Variants in NOL10 observed in about 807,000 individuals in gnomAD.
NOL10 encodes the protein H_NH0074G24.1.
In NOL10, 58 loss-of-function variants were observed where a neutral mutation model predicts 103.5. That is an observed-to-expected ratio of 0.56 (90% CI 0.45 to 0.70). The LOEUF is 0.70. Ranked by LOEUF, NOL10 falls within the 30% of genes least tolerant of loss-of-function variation. The probability of loss-of-function intolerance (pLI) is 0.00; values close to 1 mark genes in which losing one functional copy is unlikely to be tolerated. For missense variants in NOL10, 763 were observed against 807.3 expected, an observed-to-expected ratio of 0.95 and a Z score of 0.67; for synonymous variants, 287 against 282.5, an observed-to-expected ratio of 1.02 and a Z score of -0.16.
At position 10,689,824 on chromosome 2, in the gene NOL10, C is replaced by A; in HGVS notation, c.38G>T (p.Ser13Ile). Residue 13 changes from serine to isoleucine, a missense_variant, in exon 1 of 21, where the codon AGC becomes ATC. Physicochemically the swap from Ser to Ile is moderately radical, Grantham distance 142. Transcript: ENST00000381685. ...VSSLNEVKIYSLSCGKSLPEW... is the reference protein window; with the variant it reads ...VSSLNEVKIYILSCGKSLPEW... ...AGGAAGGGACTTGCCGCAGCTGAGG[C>A]TGTAAATCTTCACCTCATTGAGGCT... The A allele has an allele frequency of 2.5e-6, 4 of 1,607,948 alleles. No homozygotes were observed. Among genetic ancestry groups the A allele is most frequent in the South Asian group, 1.1e-5 (1 of 89,554 alleles).
rs1682016170 is a variant in NOL10, at chr2:10,684,549, G to C, written c.112+18C>G. ...ATGGATCACTAACGCAGCTGAAGTG[G>C]GAAAAAACAATACTCACCTACATCT... On this transcript the variant is annotated intron_variant, in intron 2 of 20. Coordinates refer to ENST00000381685, the MANE Select transcript of NOL10 (RefSeq NM_024894.4). The C allele has an allele frequency of 1.3e-6, 2 of 1,562,924 alleles. No homozygotes were observed. The highest frequency in any genetic ancestry group is 1.7e-6 in the Non-Finnish European group (2 of 1,151,292).
At chr2:10,682,349 G>T (rs1681828696) in intron 2 of NOL10, among the ~76,000 whole-genome samples, 1 of 151,374 alleles carries the variant, frequency 6.6e-6, no homozygotes, top group Admixed American at 6.6e-5. Context: ...TTCCACAACA[G>T]TGTATCAAAC....
intron 13 of NOL10, among the ~76,000 whole-genome samples, chr2:10,611,707 G>A (rs1676576612): frequency 6.6e-6 from 1 of 152,160 alleles, no homozygotes; most frequent in Non-Finnish European, 1.5e-5. Context: ...CCTGAGGTCA[G>A]GAGTTCGAGA....
chr2:10,642,586 C>G (rs1678772903), intron 13 of NOL10, among the ~76,000 whole-genome samples: 1 of 152,118 alleles, frequency 6.6e-6, no homozygotes, highest in South Asian at 2.1e-4. Flanking sequence ...CTCGAATGCT[C>G]AGCCATGGGA....
In NOL10 at chr2:10,653,194, C is replaced by CA. The variant is rs761230128; in HGVS notation, c.973+1286dup. Among the ~76,000 whole-genome samples, 677 of 84,712 alleles carry CA rather than the reference C, an allele frequency of 8.0e-3. 1 individual carries two copies. The highest frequency in any genetic ancestry group is 0.027 in the South Asian group (65 of 2,444). The allele number at this position is 84,712 out of a possible 152,430, so 55.6% of individuals were successfully genotyped here. ...TGGGTGACAGAGCGAGACTCCAACT[C>CA]AAAAAAAAAAAAAAAACCACACATT... On this transcript the variant is annotated intron_variant, in intron 12 of 20. Transcript: ENST00000381685.
At chr2:10,595,335 T>A (rs1017048844) in intron 17 of NOL10, among the ~76,000 whole-genome samples, 1 of 131,474 alleles carries the variant, frequency 7.6e-6, no homozygotes, top group Non-Finnish European at 1.8e-5. Context: ...GTTTTTGTTT[T>A]TGACAGAGTC....
At chr2:10,670,043 T>G (rs1680826432) in intron 6 of NOL10, among the ~76,000 whole-genome samples, 2 of 152,010 alleles carry the variant, frequency 1.3e-5, no homozygotes, top group Non-Finnish European at 2.9e-5. Flanking sequence ...TGAGACCCCA[T>G]CTTTATAAAA....
chr2:10,648,675 C>G (rs1679251590), intron 12 of NOL10, among the ~76,000 whole-genome samples: 1 of 152,004 alleles, frequency 6.6e-6, no homozygotes, highest in South Asian at 2.1e-4. Context: ...TTACTCTTGC[C>G]CCAAATTTAA....
chr2:10,602,365 A>C (rs6706542), intron 16 of NOL10, among the ~76,000 whole-genome samples: 90,027 of 152,134 alleles, frequency 0.59, 27,664 homozygotes, highest in African/African-American at 0.74. Context: ...ACTCAGACAG[A>C]GAGTGCAGTT....
At chr2:10,689,764 C>T (rs376465354) in intron 1 of NOL10, 32 bp downstream of exon 1, 5 of 1,581,538 alleles carry the variant, frequency 3.2e-6, no homozygotes, top group Non-Finnish European at 4.3e-6. Flanking sequence ...CCCCCAAGAG[C>T]TCGAGAGTGA....
chr2:10,684,202 G>A (rs1400234459), intron 2 of NOL10, among the ~76,000 whole-genome samples: 1 of 151,846 alleles, frequency 6.6e-6, no homozygotes, highest in African/African-American at 2.4e-5. Context: ...CTTGAATCCA[G>A]GAGGTGGAGG....
intron 13 of NOL10, among the ~76,000 whole-genome samples, chr2:10,631,767 T>C (rs1165472770): frequency 3.3e-5 from 5 of 150,874 alleles, no homozygotes; most frequent in African/African-American, 1.2e-4. Flanking sequence ...CAGGCTGGAG[T>C]GCAATGGCAC....
At position 10,638,707 on chromosome 2, in the gene NOL10, G is replaced by A. The variant is rs138235320; in HGVS notation, c.1026+5613C>T. ...GGGATTTCACCATGTTGGCCAGGTT[G>A]GTCTTGAACTCCTGAACTCGTGATC... is the stretch of plus-strand genomic sequence containing the variant. On this transcript the variant is annotated intron_variant, in intron 13 of 20. Transcript: ENST00000381685. Among the ~76,000 whole-genome samples the A allele has an allele frequency of 5.5e-4, 83 of 149,562 alleles. 2 individuals are homozygous for A. In the East Asian group the frequency reaches 0.014, roughly 25 times the overall value.
In NOL10 at chr2:10,689,789, G is replaced by T; in HGVS notation, c.66+7C>A. 1 of 1,600,158 alleles carries T rather than the reference G, an allele frequency of 6.2e-7. No individual in the cohort carries two copies. On this transcript the variant is annotated splice_region_variant and intron_variant, in intron 1 of 20. Transcript: ENST00000381685. ...CTCGAGAGTGAGGGGGCCGGGAAGT[G>T]ACTCACCTCAGGAAGGGACTTGCCG...
intron 17 of NOL10, 127 bp downstream of exon 17, chr2:10,600,726 T>C (rs563424633): frequency 1.2e-5 from 8 of 656,468 alleles, no homozygotes; most frequent in South Asian, 8.8e-5. Context: ...CTTAAGCATA[T>C]ACTAATCTTA....
chr2:10,670,618 T>G (rs1329186454), intron 6 of NOL10, among the ~76,000 whole-genome samples: 1 of 151,870 alleles, frequency 6.6e-6, no homozygotes, highest in Non-Finnish European at 1.5e-5. Flanking sequence ...GCCCATAGTC[T>G]CAGCTACTCA....
intron 1 of NOL10, among the ~76,000 whole-genome samples, chr2:10,685,809 C>G (rs1217274920): frequency 6.6e-6 from 1 of 151,668 alleles, no homozygotes. Flanking sequence ...TGCAGTGGTT[C>G]ATATCTATAA....
chr2:10,679,824 T>C (rs1681603102), intron 3 of NOL10, among the ~76,000 whole-genome samples: 1 of 152,160 alleles, frequency 6.6e-6, no homozygotes. Context: ...TTTCACCATG[T>C]TGGGCAGGCT....
chr2:10,589,630 T>C lies in NOL10; in HGVS notation c.1544A>G (p.Glu515Gly). The C allele has an allele frequency of 1.3e-6, 2 of 1,592,236 alleles. No individual in the cohort carries two copies. The highest frequency in any genetic ancestry group is 1.7e-6 in the Non-Finnish European group (2 of 1,172,304). The change falls in exon 18 of 21, where the codon GAA becomes GGA. Residue 515 changes from glutamate to glycine, a missense_variant. Transcript: ENST00000381685. The stretch of plus-strand genomic sequence containing the variant: ...GAGTCTTAGTTTCTTCTTCCTTTTT[T>C]CACTAATTTTTGAAACAAGTGGATT... The part of the protein sequence containing the change: ...LLNPLVSKIS[E>G]KRKKKLRLLE...
Sources: allele counts gnomAD v4.1 joint callset (sites outside exome capture counted in the v4.1 genomes callset), GRCh38; gene constraint gnomAD v4.1.1; transcripts MANE v1.5; gene names NCBI Gene and HGNC (gene_info 2026-07-23, HGNC 2026-07-21).